The following NUP62 variants were observed in gnomAD, a reference collection of about 807,000 sequenced individuals.
The protein encoded by NUP62 is nucleoporin 62.
For missense variants in NUP62, 647 were observed against 689.4 expected (o/e 0.94, Z 0.69); for synonymous variants, 305 against 303.4 (o/e 1.01, Z -0.05).
Position 49,908,846 on chromosome 19 carries a change from C to T in NUP62, c.962G>A (p.Gly321Glu), listed in dbSNP as rs766750131. ...GGTCATGGCGGAGCTGGCAGCCGCC[C>T]CTGCAGCTGCGCCAGGGCCAGGTGG... Reference protein sequence around the residue: ...TAPPGPGAAAGAAASSAMTYA... With the variant: ...TAPPGPGAAAEAAASSAMTYA... The change falls in exon 3 of 3, where the codon GGG (glycine) becomes GAG (glutamate). Residue 321 changes from glycine (G) to glutamate (E), a missense_variant. Gly to Glu is a moderately conservative substitution (Grantham distance 98). Coordinates refer to ENST00000352066, the MANE Select transcript of NUP62 (RefSeq NM_016553.5). The T allele has an allele frequency of 7.4e-6, 12 of 1,612,504 alleles. No homozygotes were observed. The highest frequency in any genetic ancestry group is 2.2e-5 in the South Asian group (2 of 91,078).
chr19:49,927,345 T>C (rs2075922732), intron 2 of NUP62, among the ~76,000 whole-genome samples: 1 of 152,072 alleles, frequency 6.6e-6, no homozygotes, highest in South Asian at 2.1e-4. Flanking sequence ...ATTGAAGAAT[T>C]GTCTTAGGCC....
intron 2 of NUP62, 122 bp from the exon 3 acceptor site, chr19:49,910,006 A>C: frequency 1.5e-6 from 1 of 667,612 alleles, no homozygotes; most frequent in Non-Finnish European, 2.7e-6. Context: ...TGTGTAACCT[A>C]AACTAGGCTC....
intron 2 of NUP62, among the ~76,000 whole-genome samples, chr19:49,916,439 C>T (rs1481842688): frequency 2.0e-5 from 3 of 149,740 alleles, no homozygotes; most frequent in Non-Finnish European, 3.0e-5. Flanking sequence ...CTGCAAGCTC[C>T]GCCTCCCGGT....
intron 2 of NUP62, among the ~76,000 whole-genome samples, chr19:49,919,373 G>A (rs1442457176): frequency 1.3e-5 from 2 of 152,148 alleles, no homozygotes; most frequent in South Asian, 2.1e-4. Flanking sequence ...ACAAAAGGCC[G>A]CCTGCTACAT....
chr19:49,928,504 C>T (rs1393947119), intron 1 of NUP62: 3 of 140,008 alleles, frequency 2.1e-5, no homozygotes, highest in African/African-American at 7.9e-5. Context: ...GCGACAGAGA[C>T]GGAGAGACTC....
At chr19:49,923,572 G>A (rs537275222) in intron 2 of NUP62, among the ~76,000 whole-genome samples, 11 of 152,174 alleles carry the variant, frequency 7.2e-5, no homozygotes, top group Non-Finnish European at 1.3e-4. Context: ...TCTGGCAGCC[G>A]CCGGCTTCAC....
chr19:49,915,494 T>C (rs1279358867), intron 2 of NUP62, among the ~76,000 whole-genome samples: 2 of 152,216 alleles, frequency 1.3e-5, no homozygotes, highest in African/African-American at 4.8e-5. Flanking sequence ...CTACACACCA[T>C]GCACCCATTT....
intron 1 of NUP62, 132 bp downstream of exon 1, chr19:49,929,192 CCG>C: frequency 1.3e-5 from 2 of 152,940 alleles, no homozygotes; most frequent in Non-Finnish European, 2.9e-5. Flanking sequence ...TCCCCAGTCC[CCG>C]GGGCCGCCTC....
intron 2 of NUP62, among the ~76,000 whole-genome samples, chr19:49,919,075 C>T (rs2075700628): frequency 6.6e-6 from 1 of 152,072 alleles, no homozygotes; most frequent in Admixed American, 6.6e-5. Context: ...ATTGCTTGAA[C>T]CTGGGAGGCG....
chr19:49,923,878 T>A (rs890075197), intron 2 of NUP62, among the ~76,000 whole-genome samples: 1 of 152,140 alleles, frequency 6.6e-6, no homozygotes, highest in African/African-American at 2.4e-5. Context: ...CAGCCGAGGC[T>A]CGGCAGATGA....
chr19:49,912,050 T>A (rs546663406), intron 2 of NUP62, among the ~76,000 whole-genome samples: 3 of 152,208 alleles, frequency 2.0e-5, no homozygotes, highest in Non-Finnish European at 4.4e-5. Flanking sequence ...CTTTTGCTAT[T>A]AATAAGTTGT....
In NUP62 at chr19:49,908,023, A is replaced by C. The variant is rs771070946; in HGVS notation, c.*216T>G. The C allele has an allele frequency of 1.1e-5, 11 of 1,002,946 alleles. No homozygotes were observed. Among genetic ancestry groups the C allele is most frequent in the Middle Eastern group, 6.6e-4 (2 of 3,036 alleles). 62.1% of individuals were successfully genotyped at this position (1,002,946 alleles called of 1,614,324 possible). ...CCAAAGATACTCAAATGAAAGCCAC[A>C]GAAGCCACACCCATGAGGCTGCTGC... On this transcript the variant is annotated 3_prime_UTR_variant, in exon 3 of 3. Coordinates refer to ENST00000352066, the MANE Select transcript of NUP62 (RefSeq NM_016553.5).
Position 49,908,674 on chromosome 19 carries a change from C to T in NUP62, c.1134G>A (p.Glu378=), listed in dbSNP as rs374924278. 46 of 1,612,340 alleles carry T rather than the reference C, an allele frequency of 2.9e-5. No homozygotes were observed. The South Asian group carries it at 3.4e-4, about 12-fold the overall frequency. ...NGEKITSLHR[E]VEKVKLDQKR... The stretch of plus-strand genomic sequence containing the variant: ...TCTGGTCCAGCTTCACCTTCTCCAC[C>T]TCGCGGTGCAGGCTGGTGATCTTTT... The change falls in exon 3 of 3, where the codon GAG becomes GAA. Residue 378 remains glutamate (E), a synonymous_variant. Transcript: ENST00000352066.
chr19:49,909,131 G>A lies in NUP62; in HGVS notation c.677C>T (p.Ala226Val), dbSNP rs1399188881. 6.2e-7 allele frequency: 1 copy of A among 1,612,518 alleles called. No individual in the cohort carries two copies. Among genetic ancestry groups the A allele is most frequent in the Non-Finnish European group, 8.5e-7 (1 of 1,179,792 alleles). ...GGTGGCAGATGAGGTTGGAGCAGTT[G>A]CTATTGACGCAAAGAGGCTGGGCCC... ...STGPSLFASI[A>V]TAPTSSATTG... is the part of the protein sequence containing the mutation. The change falls in exon 3 of 3, where the codon GCA becomes GTA. Residue 226 changes from alanine to valine, a missense_variant. Transcript: ENST00000352066.
Position 49,908,898 on chromosome 19 carries a change from T to G in NUP62, c.910A>C (p.Ser304Arg). 2 of 1,608,814 alleles carry G rather than the reference T, an allele frequency of 1.2e-6. No homozygotes were observed. The highest frequency in any genetic ancestry group is 1.7e-6 in the Non-Finnish European group (2 of 1,178,414). ...LKPLAPAGIP[S>R]NTAAAVTAPP... is the part of the protein sequence containing the mutation. ...GCGGTCACGGCAGCTGCTGTATTGC[T>G]GGGGATCCCGGCTGGCGCCAGTGGT... The change falls in exon 3 of 3, where the codon AGC (serine) becomes CGC (arginine). Residue 304 changes from serine (S) to arginine (R), a missense_variant. Physicochemically the swap from Ser to Arg is moderately radical, Grantham distance 110. Transcript: ENST00000352066.
chr19:49,913,424 A>C (rs1458907110), intron 2 of NUP62, among the ~76,000 whole-genome samples: 1 of 152,182 alleles, frequency 6.6e-6, no homozygotes, highest in Non-Finnish European at 1.5e-5. Flanking sequence ...GCTGTGACCT[A>C]GAGTGGGGGC....
In NUP62 at chr19:49,909,372, T is replaced by C. The variant is rs1333308401; in HGVS notation, c.436A>G (p.Thr146Ala). ...APTGFVFGPS[T>A]TSVAPATTSG... ...GTGGTAGCTGGAGCCACAGAGGTGG[T>C]GGAGGGGCCAAACACAAAGCCGGTG... The change falls in exon 3 of 3, where the codon ACC becomes GCC. Residue 146 changes from threonine to alanine, a missense_variant. Coordinates refer to ENST00000352066, the MANE Select transcript of NUP62 (RefSeq NM_016553.5). 6.2e-7 allele frequency: 1 copy of C among 1,613,052 alleles called. No individual in the cohort carries two copies. Among genetic ancestry groups the C allele is most frequent in the Non-Finnish European group, 8.5e-7 (1 of 1,179,850 alleles).
In NUP62 at chr19:49,909,701, G is replaced by A; in HGVS notation, c.107C>T (p.Thr36Ile). 6.2e-7 allele frequency: 1 copy of A among 1,614,194 alleles called. No homozygotes were observed. The highest frequency in any genetic ancestry group is 8.5e-7 in the Non-Finnish European group (1 of 1,180,046). Residue 36 changes from threonine to isoleucine, a missense_variant, in exon 3 of 3, where the codon ACC becomes ATC. By Grantham distance (89) the Thr-to-Ile change is moderately conservative. Transcript: ENST00000352066. Reference protein sequence around the residue: ...TTPATGFSFSTSGTGGFNFGA... With the variant: ...TTPATGFSFSISGTGGFNFGA... ...AAAATTAAACCCTCCAGTGCCAGAG[G>A]TGGAGAAAGAAAACCCTGTAGCAGG...
intron 2 of NUP62, among the ~76,000 whole-genome samples, chr19:49,922,451 C>T (rs746580093): frequency 6.6e-6 from 1 of 151,956 alleles, no homozygotes; most frequent in Non-Finnish European, 1.5e-5. Context: ...CACATGGGAC[C>T]GGGCTGTGTC....
Sources: gnomAD v4.1 joint callset for allele counts (sites outside exome capture counted in the v4.1 genomes callset) on GRCh38, gnomAD v4.1.1 for gene constraint, MANE v1.5 for transcripts, NCBI Gene and HGNC (gene_info 2026-07-23, HGNC 2026-07-21) for gene names.